The following SLC35F4 variants were observed in gnomAD, a reference collection of about 807,000 sequenced individuals.
SLC35F4 encodes chromosome 14 open reading frame 36.
SLC35F4 carries 24 observed loss-of-function variants against 44.2 expected under a neutral mutation model. The ratio of observed to expected loss-of-function variants is 0.54; its 90% confidence interval spans 0.39 to 0.76. The LOEUF is 0.76. Ranked by LOEUF, SLC35F4 falls within the 30% of genes least tolerant of loss-of-function variation. The probability of loss-of-function intolerance (pLI) is 0.00; values close to 1 mark genes in which losing one functional copy is unlikely to be tolerated. For missense variants in SLC35F4, 562 were observed against 586.1 expected, an observed-to-expected ratio of 0.96 and a Z score of 0.42; for synonymous variants, 238 against 223.6, an observed-to-expected ratio of 1.06 and a Z score of -0.57.
In SLC35F4 at chr14:57,832,230, C is replaced by T. The variant is rs558972019; in HGVS notation, c.103+33493G>A. Among the ~76,000 whole-genome samples the T allele has an allele frequency of 2.0e-5, 3 of 152,154 alleles. No homozygotes were observed. The South Asian group carries it at 6.2e-4, about 32-fold the overall frequency. On this transcript the variant is annotated intron_variant, in intron 1 of 7. Coordinates refer to ENST00000556826, the MANE Select transcript of SLC35F4 (RefSeq NM_001306087.2). The stretch of plus-strand genomic sequence containing the variant: ...TCACTTGACGTTGCCTTAGCCACAC[C>T]TCTGCCTTCCGCAGACTCAGTACAG...
intron 1 of SLC35F4, among the ~76,000 whole-genome samples, chr14:57,859,473 ATTAC>A (rs1195842327): frequency 6.6e-6 from 1 of 152,178 alleles, no homozygotes; most frequent in Non-Finnish European, 1.5e-5. Flanking sequence ...TTAAGCATGT[ATTAC>A]TTAGGCAATT....
chr14:57,578,115 T>C (rs2068928790), intron 4 of SLC35F4, among the ~76,000 whole-genome samples: 2 of 152,076 alleles, frequency 1.3e-5, no homozygotes, highest in Middle Eastern at 3.4e-3. Flanking sequence ...TTAAAGTGTC[T>C]TTCACTCTGT....
chr14:57,718,648 G>A lies in SLC35F4; in HGVS notation c.104-124524C>T, dbSNP rs142073573. Among the ~76,000 whole-genome samples the A allele has an allele frequency of 6.6e-3, 999 of 152,284 alleles. 8 individuals carry two copies. The highest frequency in any genetic ancestry group is 0.022 in the African/African-American group (932 of 41,550). ...TTGCCATTTGCATGTCTTCTTTTGC[G>A]AAATATCTATTCAAATCTTTTGCCC... On this transcript the variant is annotated intron_variant, in intron 1 of 7. Transcript: ENST00000556826.
chr14:57,630,906 G>T, intron 1 of SLC35F4: 1 of 872,030 alleles, frequency 1.1e-6, no homozygotes, highest in Non-Finnish European at 1.4e-6. Context: ...ACCAATTTGT[G>T]GTGTCTCTGT....
At chr14:57,646,435 C>T (rs555412644) in intron 1 of SLC35F4, among the ~76,000 whole-genome samples, 1,619 of 152,014 alleles carry the variant, frequency 0.011, 41 homozygotes, top group African/African-American at 0.036. Flanking sequence ...TATTCTCTGA[C>T]GGTAGTTTGT....
At chr14:57,612,873 C>A (rs529050867) in intron 1 of SLC35F4, among the ~76,000 whole-genome samples, 1 of 152,254 alleles carries the variant, frequency 6.6e-6, no homozygotes, top group East Asian at 1.9e-4. Flanking sequence ...GAATGTTGGG[C>A]ACACACTAAA....
At chr14:57,748,368 A>G (rs1468657524) in intron 1 of SLC35F4, among the ~76,000 whole-genome samples, 4 of 152,128 alleles carry the variant, frequency 2.6e-5, no homozygotes, top group African/African-American at 9.7e-5. Context: ...CGCCACAGTC[A>G]AGATATAGAA....
intron 1 of SLC35F4, among the ~76,000 whole-genome samples, chr14:57,726,606 CA>C (rs35396742): frequency 6.6e-6 from 1 of 151,716 alleles, no homozygotes; most frequent in Non-Finnish European, 1.5e-5. Context: ...TTAGTGTGTT[CA>C]TGGTTGTACA....
chr14:57,673,195 C>A (rs75822600), intron 1 of SLC35F4, among the ~76,000 whole-genome samples: 22,673 of 151,982 alleles, frequency 0.15, 1,906 homozygotes, highest in East Asian at 0.29. Context: ...AACAACACAA[C>A]TAAAAAGCAT....
At chr14:57,772,222 T>C (rs1050650699) in intron 1 of SLC35F4, among the ~76,000 whole-genome samples, 2 of 152,242 alleles carry the variant, frequency 1.3e-5, no homozygotes, top group African/African-American at 4.8e-5. Context: ...AATTTTCTCC[T>C]CTGGATTATG....
chr14:57,962,894 C>G (rs754372086), intron 1 of SLC35F4, among the ~76,000 whole-genome samples: 1 of 152,164 alleles, frequency 6.6e-6, no homozygotes, highest in Non-Finnish European at 1.5e-5. Context: ...CACGTCAATC[C>G]TGCAACAGGC....
At chr14:57,632,631 A>G (rs943817600) in intron 1 of SLC35F4, among the ~76,000 whole-genome samples, 1 of 152,034 alleles carries the variant, frequency 6.6e-6, no homozygotes, top group African/African-American at 2.4e-5. Context: ...CAACTGATGA[A>G]CCTACATGAA....
chr14:57,856,822 A>T (rs1027653107), intron 1 of SLC35F4, among the ~76,000 whole-genome samples: 1 of 152,216 alleles, frequency 6.6e-6, no homozygotes, highest in African/African-American at 2.4e-5. Context: ...AGTAATAGAG[A>T]ATTTCATAAC....
At chr14:57,668,905 A>G (rs963551177) in intron 1 of SLC35F4, among the ~76,000 whole-genome samples, 134 of 152,028 alleles carry the variant, frequency 8.8e-4, no homozygotes, top group Admixed American at 2.0e-3. Flanking sequence ...CATTGAATCT[A>G]TAAATTACCT....
intron 1 of SLC35F4, among the ~76,000 whole-genome samples, chr14:57,690,789 G>T (rs543198352): frequency 6.6e-6 from 1 of 152,058 alleles, no homozygotes; most frequent in African/African-American, 2.4e-5. Flanking sequence ...GGCATGCACG[G>T]TTCACAATAC....
At chr14:57,910,209 C>T (rs74574290) in intron 1 of SLC35F4, among the ~76,000 whole-genome samples, 2,925 of 151,982 alleles carry the variant, frequency 0.019, 91 homozygotes, top group African/African-American at 0.061. Flanking sequence ...AGTCCTGTAT[C>T]GGATGTGTCT....
chr14:57,568,295 G>C (rs1332202902), intron 6 of SLC35F4, among the ~76,000 whole-genome samples: 1 of 152,240 alleles, frequency 6.6e-6, no homozygotes, highest in Non-Finnish European at 1.5e-5. Context: ...TTAGGAGCGC[G>C]TATTGGATAT....
Position 57,832,572 on chromosome 14 carries a change from C to T in SLC35F4, c.103+33151G>A, listed in dbSNP as rs1258265202. Among the ~76,000 whole-genome samples the T allele has an allele frequency of 3.9e-5, 6 of 152,130 alleles. No individual in the cohort carries two copies. The East Asian group carries it at 1.2e-3, about 29-fold the overall frequency. ...TTTGCTTTATGACAGGACTATTTTA[C>T]TATCTATATGTATCCCATAACATTG... On this transcript the variant is annotated intron_variant, in intron 1 of 7. Coordinates refer to ENST00000556826, the MANE Select transcript of SLC35F4 (RefSeq NM_001306087.2).
intron 1 of SLC35F4, among the ~76,000 whole-genome samples, chr14:57,682,662 G>A (rs573352011): frequency 3.3e-5 from 5 of 151,612 alleles, no homozygotes; most frequent in South Asian, 2.1e-4. Flanking sequence ...TGCCATTTGC[G>A]GTTTTTGCTA....
Sources: allele counts gnomAD v4.1 joint callset (sites outside exome capture counted in the v4.1 genomes callset), GRCh38; gene constraint gnomAD v4.1.1; transcripts MANE v1.5; gene names NCBI Gene and HGNC (gene_info 2026-07-23, HGNC 2026-07-21).